The following CCDC157 variants were observed in gnomAD, a reference collection of about 807,000 sequenced individuals.
CCDC157 encodes the protein coiled-coil domain-containing protein 157.
CCDC157 carries 60 observed loss-of-function variants against 70.9 expected under a neutral mutation model. The observed-to-expected ratio is 0.85, with a 90% CI of 0.69 to 1.05. The LOEUF (loss-of-function observed/expected upper bound fraction) is 1.05, where lower values mean the gene tolerates loss of function less well. CCDC157 is among the 50% of genes least tolerant of loss of function. The pLI is 0.00. For missense variants in CCDC157, 943 were observed against 984.2 expected (o/e 0.96, Z 0.56); for synonymous variants, 373 against 422.4 (o/e 0.88, Z 1.43).
intron 2 of CCDC157, among the ~76,000 whole-genome samples, chr22:30,362,753 G>C (rs1383973569): frequency 6.6e-6 from 1 of 152,160 alleles, no homozygotes; most frequent in African/African-American, 2.4e-5. Context: ...GTGTGGTCTC[G>C]ATGTAGGATT....
chr22:30,363,319 A>G (rs1601718859), intron 2 of CCDC157, among the ~76,000 whole-genome samples: 1 of 152,346 alleles, frequency 6.6e-6, no homozygotes, highest in East Asian at 1.9e-4. Flanking sequence ...CTGGGGAAGA[A>G]CGGGAGCCAG....
upstream of CCDC157, chr22:30,356,919 G>T (rs1251816521): frequency 5.0e-6 from 4 of 803,400 alleles, no homozygotes; most frequent in Middle Eastern, 8.2e-4. Context: ...TTGCGGCCGC[G>T]AAGGTACGAC....
intron 1 of CCDC157, among the ~76,000 whole-genome samples, chr22:30,360,633 G>A (rs536924809): frequency 1.3e-5 from 2 of 152,024 alleles, no homozygotes; most frequent in Admixed American, 6.5e-5. Flanking sequence ...ATGATCTGGC[G>A]GGGCGCGATA....
rs376401060 is a variant in CCDC157 at position 30,357,845 on chromosome 22, C to T, written c.-166+713C>T. On this transcript the variant is annotated intron_variant, in intron 1 of 11. Transcript: ENST00000338306. ...TTTTAAATTTTTTTTTTTGTAGGGACATGGGAGGACGTCTCCCTATGTTGC... is the reference window on the plus strand; with the variant it reads ...TTTTAAATTTTTTTTTTTGTAGGGATATGGGAGGACGTCTCCCTATGTTGC... Among the ~76,000 whole-genome samples the T allele has an allele frequency of 3.8e-4, 58 of 151,728 alleles. No homozygotes were observed. The East Asian group carries it at 0.011, about 29-fold the overall frequency.
intron 9 of CCDC157, 73 bp from the exon 10 acceptor site, chr22:30,375,406 C>A: frequency 6.9e-7 from 1 of 1,454,920 alleles, no homozygotes; most frequent in Non-Finnish European, 9.6e-7. Flanking sequence ...CACTACACAG[C>A]TCCTTTGTGC....
At chr22:30,370,144 A>G in intron 4 of CCDC157, 182 bp from the exon 5 acceptor site, 1 of 736,320 alleles carries the variant, frequency 1.4e-6, no homozygotes. Flanking sequence ...GGCTGTAGTA[A>G]GCTGAGTCAG....
At chr22:30,364,173 C>T (rs991826688) in intron 2 of CCDC157, among the ~76,000 whole-genome samples, 1 of 152,026 alleles carries the variant, frequency 6.6e-6, no homozygotes, top group African/African-American at 2.4e-5. Context: ...GTTACCCCCC[C>T]AAAATAATAA....
At position 30,372,355 on chromosome 22, in the gene CCDC157, C is replaced by T. The variant is rs551121725; in HGVS notation, c.1335+69C>T. On this transcript the variant is annotated intron_variant, in intron 7 of 11. Coordinates refer to ENST00000338306, the MANE Select transcript of CCDC157 (RefSeq NM_001017437.5). ...CTGCAGGGAAAGAGGGCTCCACTGTCAGGGAATGGGGGATCATCTATATTG... is the reference window on the plus strand; with the variant it reads ...CTGCAGGGAAAGAGGGCTCCACTGTTAGGGAATGGGGGATCATCTATATTG... 8.6e-5 allele frequency: 124 copies of T among 1,445,998 alleles called. No homozygotes were observed. In the African/African-American group the frequency reaches 1.1e-3, roughly 13 times the overall value. 89.6% of individuals were successfully genotyped at this position (1,445,998 alleles called of 1,614,324 possible). A position where few individuals can be genotyped will look rare whatever the true frequency, so the allele number is the denominator to read the frequency against.
rs1021333435 is a variant in CCDC157, at chr22:30,378,097, G to A, written c.*1352G>A. On this transcript the variant is annotated 3_prime_UTR_variant, in exon 12 of 12. Transcript: ENST00000338306. ...CTGGCTGTAAGCCAGGTCCTCTCAC[G>A]GCTCCTAGAGGCCGTCCACCTTCCT... 1.5e-5 allele frequency: 7 copies of A among 470,994 alleles called. No homozygotes were observed. The highest frequency in any genetic ancestry group is 6.5e-4 in the Middle Eastern group (2 of 3,078). 29.2% of individuals were successfully genotyped at this position (470,994 alleles called of 1,614,324 possible).
At chr22:30,360,799 G>T (rs1932284949) in intron 1 of CCDC157, among the ~76,000 whole-genome samples, 1 of 152,112 alleles carries the variant, frequency 6.6e-6, no homozygotes, top group South Asian at 2.1e-4. Context: ...TATAATCCCA[G>T]CACTTTGGGA....
rs1170432328 is a variant in CCDC157 at position 30,373,699 on chromosome 22, G to A, written c.1438G>A (p.Ala480Thr). 1.3e-6 allele frequency: 2 copies of A among 1,553,256 alleles called. No homozygotes were observed. The highest frequency in any genetic ancestry group is 2.4e-5 in the East Asian group (1 of 41,380). Residue 480 changes from alanine to threonine, a missense_variant, in exon 8 of 12, where the codon GCC (alanine) becomes ACC (threonine). Physicochemically the swap from Ala to Thr is moderately conservative, Grantham distance 58. Transcript: ENST00000338306. ...CCTGGACGAGGCTGAGGCCCAGCGGGCCCGCGTGGAGGAGCAGCTGCAGAG... is the reference window on the plus strand; with the variant it reads ...CCTGGACGAGGCTGAGGCCCAGCGGACCCGCGTGGAGGAGCAGCTGCAGAG... ...GSLDEAEAQR[A>T]RVEEQLQSER...
At position 30,375,680 on chromosome 22, in the gene CCDC157, G is replaced by A. The variant is rs765155438; in HGVS notation, c.1857+17G>A. The A allele has an allele frequency of 3.2e-5, 51 of 1,595,704 alleles. No individual in the cohort carries two copies. The highest frequency in any genetic ancestry group is 3.9e-5 in the Non-Finnish European group (46 of 1,171,734). On this transcript the variant is annotated intron_variant, in intron 10 of 11. Coordinates refer to ENST00000338306, the MANE Select transcript of CCDC157 (RefSeq NM_001017437.5). ...GGCCTCAAGGTGGGCCTGAGAGGGC[G>A]GGCCCTTGGGGACCAGGAGGAAGCC...
intron 2 of CCDC157, 81 bp from the exon 3 acceptor site, chr22:30,365,909 G>A (rs758292277): frequency 3.0e-6 from 4 of 1,340,328 alleles, no homozygotes; most frequent in Non-Finnish European, 4.1e-6. Context: ...GCAGCTCCTG[G>A]GCAGATGAGG....
intron 10 of CCDC157, 75 bp downstream of exon 10, chr22:30,375,738 C>CG (rs1933307660): frequency 2.9e-6 from 4 of 1,373,788 alleles, no homozygotes; most frequent in Non-Finnish European, 3.9e-6. Context: ...GACTCTGCCC[C>CG]GGGAACTTGT....
chr22:30,367,434 C>T (rs2145899500), intron 3 of CCDC157, among the ~76,000 whole-genome samples: 1 of 152,156 alleles, frequency 6.6e-6, no homozygotes, highest in East Asian at 1.9e-4. Flanking sequence ...GACGGGGTTT[C>T]ACCATGTTGA....
chr22:30,375,018 G>C (rs529897556), intron 9 of CCDC157: 1 of 325,328 alleles, frequency 3.1e-6, no homozygotes, highest in Non-Finnish European at 5.9e-6. Flanking sequence ...GAGTGCAGTG[G>C]CACAATCTCT....
intron 1 of CCDC157, among the ~76,000 whole-genome samples, chr22:30,357,408 G>A (rs1931969694): frequency 6.6e-6 from 1 of 152,156 alleles, no homozygotes; most frequent in Admixed American, 6.5e-5. Context: ...CACGGAACCT[G>A]CCTTTTCTTG....
chr22:30,373,877 C>G (rs573416963), intron 8 of CCDC157, 46 bp from the exon 9 acceptor site: 1 of 1,576,622 alleles, frequency 6.3e-7, no homozygotes, highest in Non-Finnish European at 8.6e-7. Context: ...CGCTGAGTAC[C>G]ATGTAGCTCA....
Position 30,376,300 on chromosome 22 carries a change from A to G in CCDC157, c.1899A>G (p.Gly633=), listed in dbSNP as rs768737133. 4 of 1,607,694 alleles carry G rather than the reference A, an allele frequency of 2.5e-6. No individual in the cohort carries two copies. Among genetic ancestry groups the G allele is most frequent in the Non-Finnish European group, 3.4e-6 (4 of 1,177,852 alleles). ...GGCTCTGGTCCCCTTCCAGCAAGGG[A>G]ACCCAGGGAGCAACACCACCAGTCC... The part of the protein sequence containing the change: ...QDRLWSPSSK[G]TQGATPPVQA... The change falls in exon 11 of 12, where the codon GGA becomes GGG. Residue 633 remains glycine, a synonymous_variant. Coordinates refer to ENST00000338306, the MANE Select transcript of CCDC157 (RefSeq NM_001017437.5).
Sources: gnomAD v4.1 joint callset for allele counts (sites outside exome capture counted in the v4.1 genomes callset) on GRCh38, gnomAD v4.1.1 for gene constraint, MANE v1.5 for transcripts, NCBI Gene and HGNC (gene_info 2026-07-23, HGNC 2026-07-21) for gene names.